Variants in MBNL2 observed in about 807,000 individuals in gnomAD.
MBNL2 encodes muscleblind like splicing regulator 2, also known as muscleblind-like protein 2.
In MBNL2, 17 loss-of-function variants were observed where a neutral mutation model predicts 41.9. The observed-to-expected ratio is 0.41, with a 90% CI of 0.28 to 0.61. The LOEUF (loss-of-function observed/expected upper bound fraction) is 0.61. Among genes scored for constraint, MBNL2 ranks in the 20% least tolerant of loss-of-function variants. MBNL2 has a pLI of 0.35. For synonymous variants in MBNL2, 195 were observed against 182.9 expected (o/e 1.07, Z -0.53); for missense variants, 336 against 505.6 (o/e 0.66, Z 3.22).
chr13:97,180,076 G>T, the MBNL2 span, among the ~76,000 whole-genome samples: 235 of 152,314 alleles, frequency 1.5e-3, 2 homozygotes, highest in African/African-American at 5.5e-3. Context: ...TGTGCAGATG[G>T]AAGATTACGG....
In MBNL2 at chr13:97,391,702, C is replaced by A; in HGVS notation, c.*253C>A. 1 of 354,934 alleles carries A rather than the reference C, an allele frequency of 2.8e-6. No homozygotes were observed. Among genetic ancestry groups the A allele is most frequent in the Non-Finnish European group, 5.0e-6 (1 of 199,030 alleles). The allele number at this position is 354,934 out of a possible 1,614,324, so 22.0% of individuals were successfully genotyped here. A position where few individuals can be genotyped will look rare whatever the true frequency, so the allele number is the denominator to read the frequency against. On this transcript the variant is annotated 3_prime_UTR_variant, in exon 9 of 9. Transcript: ENST00000679496. ...ATGCAGAAAGTCCAGCCAGTTTACT[C>A]ATTTCGATTCAGAATATTTCAAATT...
At chr13:97,216,259 C>T in the MBNL2 span, among the ~76,000 whole-genome samples, 1 of 152,048 alleles carries the variant, frequency 6.6e-6, no homozygotes, top group Non-Finnish European at 1.5e-5. Flanking sequence ...TAAATTTTCT[C>T]CAGAATCCTA....
chr13:97,366,476 G>T lies in MBNL2; in HGVS notation c.1048+1305G>T, dbSNP rs779660678. 9 of 1,605,668 alleles carry T rather than the reference G, an allele frequency of 5.6e-6. No homozygotes were observed. In the East Asian group the frequency reaches 2.0e-4, roughly 36 times the overall value. ...CCTGAAAGTACCCATGATGCACAGC[G>T]CTACGTCCGCCACTGTCTCTGCAGC... On this transcript the variant is annotated intron_variant, in intron 8 of 8. Transcript: ENST00000679496. This position sits in a 1 kb window ranked among gnomAD's most constrained non-coding sequence, Gnocchi z 4.7.
intron 2 of MBNL2, among the ~76,000 whole-genome samples, chr13:97,293,531 T>C (rs997108165): frequency 6.6e-6 from 1 of 152,228 alleles, no homozygotes; most frequent in African/African-American, 2.4e-5. Context: ...AGCGTGCAGA[T>C]ATTTATCCAA....
chr13:97,160,834 GTTTAC>G, the MBNL2 span, among the ~76,000 whole-genome samples: 1 of 152,140 alleles, frequency 6.6e-6, no homozygotes, highest in Non-Finnish European at 1.5e-5. Context: ...CTAATCAATA[GTTTAC>G]TTCTTTAAAC....
Position 97,317,023 on chromosome 13 carries a change from C to T in MBNL2, c.175-17253C>T, listed in dbSNP as rs577305203. On this transcript the variant is annotated intron_variant, in intron 2 of 8. Coordinates refer to ENST00000679496, the MANE Select transcript of MBNL2 (RefSeq NM_001382683.1). The stretch of plus-strand genomic sequence containing the variant: ...AGGGTATAGGAAGTAGAGAAGGCAT[C>T]TGTTGGCAGCACTGTCACACATCTG... Among the ~76,000 whole-genome samples, 5 of 152,308 alleles carry T rather than the reference C, an allele frequency of 3.3e-5. No individual in the cohort carries two copies. In the South Asian group the frequency reaches 1.0e-3, roughly 32 times the overall value.
chr13:97,277,707 A>C (rs1213568195), intron 2 of MBNL2, among the ~76,000 whole-genome samples: 1 of 152,234 alleles, frequency 6.6e-6, no homozygotes, highest in Non-Finnish European at 1.5e-5. Flanking sequence ...ATTTTGACAA[A>C]TTAGATCTGT....
chr13:97,331,285 C>A (rs980980699), intron 2 of MBNL2, among the ~76,000 whole-genome samples: 1 of 152,132 alleles, frequency 6.6e-6, no homozygotes, highest in Non-Finnish European at 1.5e-5. Flanking sequence ...ATAATTATTT[C>A]ATTGAACGGA....
At chr13:97,283,185 G>A (rs1228504672) in intron 2 of MBNL2, among the ~76,000 whole-genome samples, 9 of 152,126 alleles carry the variant, frequency 5.9e-5, no homozygotes, top group Admixed American at 5.9e-4. Context: ...CTCCCTCAGT[G>A]TGGATGCTCT....
At chr13:97,184,935 A>T in the MBNL2 span, among the ~76,000 whole-genome samples, 1 of 152,214 alleles carries the variant, frequency 6.6e-6, no homozygotes. Context: ...AATGCTTGAG[A>T]ATTAGAGAAA....
chr13:97,237,804 T>C (rs1164620928), intron 1 of MBNL2, among the ~76,000 whole-genome samples: 1 of 152,160 alleles, frequency 6.6e-6, no homozygotes, highest in Non-Finnish European at 1.5e-5. Flanking sequence ...AGCAGGTAAA[T>C]GAGGGGTCAG....
chr13:97,247,640 A>T (rs918706798), intron 1 of MBNL2, among the ~76,000 whole-genome samples: 6 of 152,256 alleles, frequency 3.9e-5, no homozygotes, highest in Admixed American at 3.9e-4. Flanking sequence ...TTATAAAAAA[A>T]TTGTTTAGAA....
chr13:97,353,137 G>T (rs145565322), intron 5 of MBNL2, among the ~76,000 whole-genome samples: 387 of 152,306 alleles, frequency 2.5e-3, no homozygotes, highest in African/African-American at 9.0e-3. Context: ...AGTTACCATA[G>T]TTTCTTGGAT....
the MBNL2 span, among the ~76,000 whole-genome samples, chr13:97,187,510 C>A: frequency 2.8e-5 from 4 of 143,882 alleles, no homozygotes; most frequent in Non-Finnish European, 6.0e-5. Context: ...GTCCCAGAGC[C>A]ATGCATAGTA....
At chr13:97,354,945 T>G (rs1432800540) in intron 5 of MBNL2, among the ~76,000 whole-genome samples, 1 of 152,184 alleles carries the variant, frequency 6.6e-6, no homozygotes, top group Non-Finnish European at 1.5e-5. Flanking sequence ...GAATAGGCTT[T>G]GTAACCTTCT....
chr13:97,291,909 A>AAAAAAAAAAC lies in MBNL2; in HGVS notation c.174+15508_174+15509insACAAAAAAAA, dbSNP rs1400344087. On this transcript the variant is annotated intron_variant, in intron 2 of 8. Coordinates refer to ENST00000679496, the MANE Select transcript of MBNL2 (RefSeq NM_001382683.1). ...GACTCCGTCTCCGTCTCAAAAAAAA[A>AAAAAAAAAAC]AAAAAAAAGTGGGCTGGGTGCGGTG... is the stretch of plus-strand genomic sequence containing the variant. Among the ~76,000 whole-genome samples the AAAAAAAAAAC allele has an allele frequency of 1.4e-4, 20 of 138,720 alleles. 1 individual carries two copies. The highest frequency in any genetic ancestry group is 5.5e-4 in the African/African-American group (20 of 36,122). The allele number at this position is 138,720 out of a possible 152,430, so 91.0% of individuals were successfully genotyped here.
chr13:97,164,715 T>A, the MBNL2 span, among the ~76,000 whole-genome samples: 1 of 151,660 alleles, frequency 6.6e-6, no homozygotes, highest in African/African-American at 2.4e-5. Flanking sequence ...AAAAAGGAGG[T>A]GATTGATTTT....
chr13:97,252,188 G>C (rs1020554752), intron 1 of MBNL2, among the ~76,000 whole-genome samples: 1 of 152,126 alleles, frequency 6.6e-6, no homozygotes, highest in Non-Finnish European at 1.5e-5. Context: ...TCTCTTTCAA[G>C]AAATTATTAG....
the MBNL2 span, among the ~76,000 whole-genome samples, chr13:97,154,054 C>T: frequency 6.6e-6 from 1 of 152,112 alleles, no homozygotes; most frequent in African/African-American, 2.4e-5. Context: ...GTGCAGTATG[C>T]TCAGGAATAA....
Sources: gnomAD v4.1 joint callset for allele counts (sites outside exome capture counted in the v4.1 genomes callset) on GRCh38, gnomAD v4.1.1 for gene constraint, Gnocchi (gnomAD v3.1) non-coding constraint, MANE v1.5 for transcripts, NCBI Gene and HGNC (gene_info 2026-07-23, HGNC 2026-07-21) for gene names.